The following DDX19B variants were observed in gnomAD, a reference collection of about 807,000 sequenced individuals.
The protein encoded by DDX19B is ATP-dependent RNA helicase DDX19B.
In DDX19B, 27 loss-of-function variants were observed where a neutral mutation model predicts 58.1. The ratio of observed to expected loss-of-function variants is 0.46; its 90% CI spans 0.34 to 0.64. DDX19B has a LOEUF of 0.64. Ranked by LOEUF, DDX19B falls within the 30% of genes least tolerant of loss-of-function variation. The probability of loss-of-function intolerance (pLI) is 0.01; values close to 1 mark genes in which losing one functional copy is unlikely to be tolerated. For missense variants in DDX19B, 399 were observed against 596.5 expected (o/e 0.67, Z 3.45); for synonymous variants, 187 against 214.4 (o/e 0.87, Z 1.12).
chr16:70,294,072 ATTTTTTTTT>A (rs35683856), upstream of DDX19B, among the ~76,000 whole-genome samples: 7 of 63,150 alleles, frequency 1.1e-4, no homozygotes, highest in South Asian at 3.9e-3. Context: ...GAGAGCCTGA[ATTTTTTTTT>A]TTTTTTTTTT....
chr16:70,316,309 G>A (rs890044034), intron 4 of DDX19B, among the ~76,000 whole-genome samples: 3 of 151,396 alleles, frequency 2.0e-5, no homozygotes, highest in East Asian at 1.9e-4. Context: ...TCCTGGGTTC[G>A]AGTGATTCTC....
At chr16:70,310,939 G>C (rs1325708635) in intron 1 of DDX19B, among the ~76,000 whole-genome samples, 1 of 150,536 alleles carries the variant, frequency 6.6e-6, no homozygotes, top group Non-Finnish European at 1.5e-5. Flanking sequence ...GCTGAGGCAG[G>C]AGAATGGCAT....
chr16:70,312,482 G>T (rs1962143073), intron 1 of DDX19B, 127 bp from the exon 2 acceptor site: 2 of 789,574 alleles, frequency 2.5e-6, no homozygotes, highest in Admixed American at 5.3e-5. Context: ...CCAATGAATT[G>T]GTCCTAATGA....
At chr16:70,327,028 G>C (rs573326096) in intron 7 of DDX19B, among the ~76,000 whole-genome samples, 12 of 150,880 alleles carry the variant, frequency 8.0e-5, no homozygotes, top group African/African-American at 2.9e-4. Context: ...TAGAGACGGG[G>C]TTTCACTGTG....
chr16:70,330,163 AG>A (rs1963408552), intron 9 of DDX19B, 95 bp downstream of exon 9: 3 of 1,435,764 alleles, frequency 2.1e-6, no homozygotes, highest in Non-Finnish European at 2.9e-6. Context: ...TGCCATGGGA[AG>A]AAACGAAGTG....
chr16:70,290,480 T>C (rs935159885), upstream of DDX19B, among the ~76,000 whole-genome samples: 3 of 151,886 alleles, frequency 2.0e-5, no homozygotes. Flanking sequence ...TGAGCCGAGA[T>C]GGCGCCACTG....
chr16:70,333,824 T>C lies in DDX19B; in HGVS notation c.*242T>C, dbSNP rs1262595268. ...CATGAATACACAGAGATTTACCTTT[T>C]GGAAGTTTCATCTTTTAATTTGGCC... On this transcript the variant is annotated 3_prime_UTR_variant, in exon 12 of 12. Transcript: ENST00000288071. The C allele has an allele frequency of 3.3e-6, 2 of 608,968 alleles. No homozygotes were observed. The highest frequency in any genetic ancestry group is 5.7e-6 in the Non-Finnish European group (2 of 347,848). 37.7% of individuals were successfully genotyped at this position (608,968 alleles called of 1,614,324 possible).
At chr16:70,294,812 G>T (rs1961160451), upstream of DDX19B, 1 of 1,452,686 alleles carries the variant, frequency 6.9e-7, no homozygotes, top group Non-Finnish European at 9.1e-7. Context: ...CAAGAGCAGC[G>T]GTTGTTGGAG....
chr16:70,300,172 C>T (rs1440277649), intron 1 of DDX19B, among the ~76,000 whole-genome samples: 2 of 151,226 alleles, frequency 1.3e-5, no homozygotes, highest in Admixed American at 1.3e-4. Flanking sequence ...TTAAAAACAA[C>T]GGTTCCCGCC....
chr16:70,299,504 T>A, intron 1 of DDX19B, 150 bp downstream of exon 1: 1 of 937,488 alleles, frequency 1.1e-6, no homozygotes, highest in Non-Finnish European at 1.5e-6. Context: ...TGGCTTTGTT[T>A]ACGCAGCCGC....
At chr16:70,290,908 C>T (rs765704805), upstream of DDX19B, among the ~76,000 whole-genome samples, 1 of 152,192 alleles carries the variant, frequency 6.6e-6, no homozygotes, top group Non-Finnish European at 1.5e-5. Flanking sequence ...TTAACCACTG[C>T]ACTATTACCT....
At chr16:70,330,445 G>A (rs147322550) in intron 9 of DDX19B, among the ~76,000 whole-genome samples, 10,851 of 152,030 alleles carry the variant, frequency 0.071, 1,292 homozygotes, top group African/African-American at 0.25. Flanking sequence ...AAAATTAGCC[G>A]TGCGTGGTGG....
intron 7 of DDX19B, 131 bp from the exon 8 acceptor site, chr16:70,329,161 T>G: frequency 8.1e-7 from 1 of 1,236,716 alleles, no homozygotes; most frequent in Non-Finnish European, 1.1e-6. Flanking sequence ...CGGCAGAGGT[T>G]GCAGTGAGTC....
intron 7 of DDX19B, among the ~76,000 whole-genome samples, chr16:70,328,130 G>A (rs974382498): frequency 2.5e-4 from 38 of 151,600 alleles, no homozygotes; most frequent in African/African-American, 3.6e-4. Flanking sequence ...CTCCAGCCTG[G>A]GCGACAGAAT....
upstream of DDX19B, among the ~76,000 whole-genome samples, chr16:70,293,810 A>T (rs1352927297): frequency 6.7e-6 from 1 of 148,518 alleles, no homozygotes; most frequent in South Asian, 2.1e-4. Flanking sequence ...ACGGGGTTTC[A>T]CCTTGTTAGC....
At chr16:70,293,456 A>G (rs535448082), upstream of DDX19B, among the ~76,000 whole-genome samples, 26 of 151,944 alleles carry the variant, frequency 1.7e-4, no homozygotes, top group East Asian at 5.0e-3. Context: ...ACAAGTGGAA[A>G]AAAAAAAAAA....
In DDX19B at chr16:70,329,818, C is replaced by T. The variant is rs764955859; in HGVS notation, c.786-13C>T. 5 of 1,613,882 alleles carry T rather than the reference C, an allele frequency of 3.1e-6. No homozygotes were observed. In the Admixed American group the frequency reaches 8.3e-5, roughly 27 times the overall value. On this transcript the variant is annotated splice_polypyrimidine_tract_variant and intron_variant, in intron 8 of 11. Coordinates refer to ENST00000288071, the MANE Select transcript of DDX19B (RefSeq NM_007242.7). ...GGCCACCTGGGGCCACCTACCAGGG[C>T]CTTCCCTTGCAGGATGCTGCCCAGG...
intron 1 of DDX19B, among the ~76,000 whole-genome samples, chr16:70,302,164 G>A (rs993278056): frequency 5.3e-5 from 8 of 151,930 alleles, no homozygotes; most frequent in South Asian, 2.1e-4. Flanking sequence ...CAAGTGATCC[G>A]CATGCCTCAG....
upstream of DDX19B, among the ~76,000 whole-genome samples, chr16:70,292,154 C>T (rs1203198740): frequency 1.3e-5 from 2 of 151,994 alleles, no homozygotes; most frequent in Non-Finnish European, 2.9e-5. Flanking sequence ...CCTTGTCTCT[C>T]TCTCTTTTTT....
Sources: allele counts gnomAD v4.1 joint callset (sites outside exome capture counted in the v4.1 genomes callset), GRCh38; gene constraint gnomAD v4.1.1; transcripts MANE v1.5; gene names NCBI Gene and HGNC (gene_info 2026-07-23, HGNC 2026-07-21).